SHLD1: variants seen among roughly 807,000 people sequenced by gnomAD.
SHLD1 encodes the protein shieldin complex subunit 1.
Under a neutral mutation model 5.5 loss-of-function variants are expected in SHLD1, and 3 were observed. The observed-to-expected ratio is 0.54, with a 90% CI of 0.25 to 1.40. The LOEUF is 1.40. SHLD1 is among the 40% of genes most tolerant of loss of function. The pLI, the probability that SHLD1 is intolerant of heterozygous loss-of-function variation, is 0.15. For missense variants in SHLD1, 210 were observed against 244.4 expected, an observed-to-expected ratio of 0.86 and a Z score of 0.94; for synonymous variants, 92 against 94.3, an observed-to-expected ratio of 0.98 and a Z score of 0.14.
chr20:5,813,949 T>C (rs868146387), intron 2 of SHLD1, among the ~76,000 whole-genome samples: 47 of 131,202 alleles, frequency 3.6e-4, no homozygotes, highest in Middle Eastern at 7.3e-3. Flanking sequence ...TTCTTTCTTT[T>C]TTTTTTTTTT....
At chr20:5,850,388 GCT>G (rs1423490037) in intron 2 of SHLD1, among the ~76,000 whole-genome samples, 1 of 151,850 alleles carries the variant, frequency 6.6e-6, no homozygotes, top group African/African-American at 2.4e-5. Flanking sequence ...CTCTCACTAG[GCT>G]CTTGGGCATT....
chr20:5,839,895 A>G (rs2087837794), intron 2 of SHLD1, among the ~76,000 whole-genome samples: 1 of 152,166 alleles, frequency 6.6e-6, no homozygotes, highest in South Asian at 2.1e-4. Flanking sequence ...TGGTGGAAGA[A>G]CCTTTTTCAG....
chr20:5,778,116 T>TTC (rs1985516891), intron 2 of SHLD1, among the ~76,000 whole-genome samples: 1 of 123,812 alleles, frequency 8.1e-6, no homozygotes, highest in Admixed American at 7.7e-5. Flanking sequence ...CCCTTTTTCT[T>TTC]TTTTTTTTTT....
chr20:5,802,164 A>G (rs2087302879), intron 2 of SHLD1, among the ~76,000 whole-genome samples: 1 of 152,192 alleles, frequency 6.6e-6, no homozygotes, highest in Non-Finnish European at 1.5e-5. Context: ...TCCAAAGAAA[A>G]AGCATGTCCA....
intron 2 of SHLD1, among the ~76,000 whole-genome samples, chr20:5,857,173 G>A (rs574333904): frequency 8.5e-5 from 13 of 152,150 alleles, no homozygotes; most frequent in South Asian, 4.1e-4. Context: ...ACGGGGTTTC[G>A]CCATGTTGGC....
At chr20:5,752,903 T>C (rs1983845233) in intron 1 of SHLD1, among the ~76,000 whole-genome samples, 1 of 152,158 alleles carries the variant, frequency 6.6e-6, no homozygotes, top group Non-Finnish European at 1.5e-5. Context: ...CAAGCGATTC[T>C]CCTGCCTCAG....
chr20:5,778,724 C>T (rs1326252421), intron 2 of SHLD1, among the ~76,000 whole-genome samples: 2 of 152,100 alleles, frequency 1.3e-5, no homozygotes, highest in African/African-American at 4.8e-5. Context: ...GAAGCCCAGC[C>T]GTTCTGTTAT....
chr20:5,798,964 A>G (rs6116959), intron 2 of SHLD1, among the ~76,000 whole-genome samples: 129,552 of 152,150 alleles, frequency 0.85, 55,392 homozygotes, highest in East Asian at 1. Flanking sequence ...TGGGTGGATC[A>G]CTTGAGCCCA....
At position 5,863,250 on chromosome 20, in the gene SHLD1, G is replaced by A. The variant is rs763515498; in HGVS notation, c.405G>A (p.Gln135=). Residue 135 remains glutamine, a synonymous_variant, in exon 3 of 3, where the codon CAG becomes CAA. Coordinates refer to ENST00000303142, the MANE Select transcript of SHLD1 (RefSeq NM_152504.4). ...AGAAAATCACTCAACTAAGAGGCCAGGAGAGCCAAAAGTATGCCCTCCGCA... is the reference window on the plus strand; with the variant it reads ...AGAAAATCACTCAACTAAGAGGCCAAGAGAGCCAAAAGTATGCCCTCCGCA... ...LSQKITQLRG[Q]ESQKYALRSF... is the part of the protein sequence containing the mutation. The A allele has an allele frequency of 6.2e-7, 1 of 1,614,070 alleles. No individual in the cohort carries two copies. Among genetic ancestry groups the A allele is most frequent in the Non-Finnish European group, 8.5e-7 (1 of 1,180,054 alleles).
At chr20:5,824,728 G>A (rs2087646898) in intron 2 of SHLD1, among the ~76,000 whole-genome samples, 1 of 150,268 alleles carries the variant, frequency 6.7e-6, no homozygotes, top group Non-Finnish European at 1.5e-5. Flanking sequence ...ACAATTTGAT[G>A]ACAAAATCTC....
intron 2 of SHLD1, among the ~76,000 whole-genome samples, chr20:5,812,724 TC>T (rs1232329810): frequency 1.3e-5 from 2 of 152,142 alleles, no homozygotes; most frequent in Non-Finnish European, 2.9e-5. Flanking sequence ...ATGGCTAGCT[TC>T]TTTACAGGGT....
At chr20:5,761,646 C>T (rs1282376177) in intron 1 of SHLD1, among the ~76,000 whole-genome samples, 43 of 141,340 alleles carry the variant, frequency 3.0e-4, no homozygotes, top group Admixed American at 5.2e-4. Flanking sequence ...CTCACTTTGT[C>T]GCCCAGGCTG....
chr20:5,811,228 G>A (rs1401502362), intron 2 of SHLD1, among the ~76,000 whole-genome samples: 1 of 152,154 alleles, frequency 6.6e-6, no homozygotes, highest in Non-Finnish European at 1.5e-5. Context: ...GACTCCATAA[G>A]TGACAGTTCC....
chr20:5,846,121 T>C (rs1363902711), intron 2 of SHLD1, among the ~76,000 whole-genome samples: 2 of 152,228 alleles, frequency 1.3e-5, no homozygotes, highest in African/African-American at 4.8e-5. Flanking sequence ...TTATTGCAAA[T>C]GTCAACACTG....
intron 2 of SHLD1, among the ~76,000 whole-genome samples, chr20:5,833,304 A>G (rs2087751391): frequency 6.6e-6 from 1 of 152,194 alleles, no homozygotes; most frequent in South Asian, 2.1e-4. Flanking sequence ...CAGGTTTATT[A>G]TATAGGTAAA....
chr20:5,774,561 T>C (rs983247264), intron 2 of SHLD1, among the ~76,000 whole-genome samples: 13 of 152,056 alleles, frequency 8.5e-5, no homozygotes, highest in African/African-American at 2.7e-4. Context: ...ACGGGAAGCA[T>C]AGAAGCACCT....
chr20:5,820,932 C>T (rs541387770), intron 2 of SHLD1, among the ~76,000 whole-genome samples: 1 of 152,288 alleles, frequency 6.6e-6, no homozygotes, highest in African/African-American at 2.4e-5. Context: ...AAAGAATTTC[C>T]AGCAGACTGC....
At chr20:5,768,923 G>A (rs75574699) in intron 1 of SHLD1, among the ~76,000 whole-genome samples, 70 of 86,232 alleles carry the variant, frequency 8.1e-4, no homozygotes, top group Non-Finnish European at 4.1e-4. Flanking sequence ...TTTTTTTTTG[G>A]TAAGACACAG....
intron 1 of SHLD1, among the ~76,000 whole-genome samples, chr20:5,760,211 G>T (rs1425754339): frequency 6.6e-6 from 1 of 152,082 alleles, no homozygotes; most frequent in African/African-American, 2.4e-5. Flanking sequence ...TTCTGGAAAG[G>T]TCTAGAGAGT....
Sources: allele counts gnomAD v4.1 joint callset (sites outside exome capture counted in the v4.1 genomes callset), GRCh38; gene constraint gnomAD v4.1.1; transcripts MANE v1.5; gene names NCBI Gene and HGNC (gene_info 2026-07-23, HGNC 2026-07-21).